Variants in DIAPH1 observed in about 807,000 individuals in gnomAD.
DIAPH1 encodes the protein protein diaphanous homolog 1.
A neutral mutation model predicts 140.7 loss-of-function variants in DIAPH1; 46 were observed. The observed-to-expected ratio is 0.33, with a 90% CI of 0.26 to 0.42. The LOEUF is 0.42. Ranked by LOEUF, DIAPH1 falls within the 10% of genes least tolerant of loss-of-function variation. The pLI is 1.00. For missense variants in DIAPH1, 1,310 were observed against 1,558.7 expected (o/e 0.84, Z 2.69); for synonymous variants, 565 against 551.6 (o/e 1.02, Z -0.34).
At chr5:141,594,740 C>T (rs985526010) in intron 1 of DIAPH1, among the ~76,000 whole-genome samples, 17 of 148,206 alleles carry the variant, frequency 1.1e-4, no homozygotes, top group Non-Finnish European at 2.1e-4. Context: ...AAGACCCAGT[C>T]TCAAAAAAAG....
chr5:141,517,769 G>A (rs1301449071), intron 27 of DIAPH1, among the ~76,000 whole-genome samples: 1 of 152,174 alleles, frequency 6.6e-6, no homozygotes, highest in Non-Finnish European at 1.5e-5. Context: ...TCTCAGCCCA[G>A]GTGGCTAAGA....
chr5:141,517,466 T>C (rs1203665294), intron 27 of DIAPH1, among the ~76,000 whole-genome samples: 1 of 152,002 alleles, frequency 6.6e-6, no homozygotes, highest in East Asian at 1.9e-4. Flanking sequence ...CCTGGGAGGG[T>C]TGTCCCTAGC....
intron 19 of DIAPH1, 56 bp downstream of exon 19, chr5:141,534,279 A>G: frequency 7.2e-7 from 1 of 1,379,780 alleles, no homozygotes; most frequent in Non-Finnish European, 1.0e-6. Flanking sequence ...AGAGAATTAA[A>G]AATTCTTAAA....
intron 26 of DIAPH1, 103 bp downstream of exon 26, chr5:141,525,935 G>T: frequency 1.3e-6 from 2 of 1,578,544 alleles, no homozygotes; most frequent in Non-Finnish European, 1.7e-6. Flanking sequence ...AAAATCATTT[G>T]CCAGGAGGTG....
At chr5:141,535,385 T>C (rs1435805906) in intron 18 of DIAPH1, among the ~76,000 whole-genome samples, 1 of 152,242 alleles carries the variant, frequency 6.6e-6, no homozygotes, top group Non-Finnish European at 1.5e-5. Context: ...TCCCTTCTCA[T>C]GAAACGTTCC....
At position 141,618,932 on chromosome 5, in the gene DIAPH1, C is replaced by A; in HGVS notation, c.-18G>T. 7.0e-7 allele frequency: 1 copy of A among 1,420,632 alleles called. No individual in the cohort carries two copies. Among genetic ancestry groups the A allele is most frequent in the South Asian group, 1.4e-5 (1 of 73,936 alleles). The allele number at this position is 1,420,632 out of a possible 1,614,324, so 88.0% of individuals were successfully genotyped here. On this transcript the variant is annotated 5_prime_UTR_variant, in exon 1 of 28. Transcript: ENST00000389054. ...GGCTCCATGTCCCGGTTCACGCTGGCCGGCGACCCCGCGCCTACGCCGCTC... is the reference window on the plus strand; with the variant it reads ...GGCTCCATGTCCCGGTTCACGCTGGACGGCGACCCCGCGCCTACGCCGCTC...
At position 141,614,848 on chromosome 5, in the gene DIAPH1, A is replaced by G. The variant is rs3805686; in HGVS notation, c.117+3950T>C. Among the ~76,000 whole-genome samples, 6 of 151,158 alleles carry G rather than the reference A, an allele frequency of 4.0e-5. No individual in the cohort carries two copies. The East Asian group carries it at 1.2e-3, about 29-fold the overall frequency. ...AAAAAAGGTGTACAAAGCGCTCTGT[A>G]TATTTTTCAGTTTTCTGCAAACTTT... On this transcript the variant is annotated intron_variant, in intron 1 of 27. Coordinates refer to ENST00000389054, the MANE Select transcript of DIAPH1 (RefSeq NM_005219.5).
At chr5:141,613,454 C>T (rs952028248) in intron 1 of DIAPH1, among the ~76,000 whole-genome samples, 1 of 152,202 alleles carries the variant, frequency 6.6e-6, no homozygotes. Context: ...AAAATTTCTG[C>T]TCCTCTTCCT....
chr5:141,587,305 G>T, intron 2 of DIAPH1, 108 bp from the exon 3 acceptor site: 1 of 1,152,968 alleles, frequency 8.7e-7, no homozygotes, highest in Non-Finnish European at 1.3e-6. Flanking sequence ...GGTTCCTCTG[G>T]TTCACAAGCA....
intron 12 of DIAPH1, among the ~76,000 whole-genome samples, chr5:141,577,111 C>T (rs1251778473): frequency 1.3e-5 from 2 of 152,184 alleles, no homozygotes; most frequent in African/African-American, 4.8e-5. Context: ...AATACTTTCC[C>T]ATCTAAAAAT....
intron 16 of DIAPH1, among the ~76,000 whole-genome samples, chr5:141,572,540 G>A (rs567338264): frequency 2.5e-4 from 38 of 152,306 alleles, no homozygotes; most frequent in African/African-American, 8.9e-4. Context: ...GGTGGCTCAC[G>A]TCTGTAATCC....
intron 8 of DIAPH1, 71 bp downstream of exon 8, chr5:141,580,673 C>G: frequency 6.5e-7 from 1 of 1,531,918 alleles, no homozygotes; most frequent in Non-Finnish European, 9.0e-7. Context: ...CCAACCAACT[C>G]AATTGTCCTC....
chr5:141,532,384 G>T (rs1285172544), intron 19 of DIAPH1, among the ~76,000 whole-genome samples: 1 of 152,098 alleles, frequency 6.6e-6, no homozygotes, highest in Admixed American at 6.5e-5. Flanking sequence ...TTCCCAGGCT[G>T]GTCTTGAACT....
intron 18 of DIAPH1, among the ~76,000 whole-genome samples, chr5:141,556,836 C>A (rs188672554): frequency 6.6e-6 from 1 of 152,258 alleles, no homozygotes; most frequent in East Asian, 1.9e-4. Flanking sequence ...GAATTACAGG[C>A]ATGCGCCACC....
chr5:141,617,199 G>A (rs751106466), intron 1 of DIAPH1, among the ~76,000 whole-genome samples: 1 of 151,672 alleles, frequency 6.6e-6, no homozygotes, highest in Non-Finnish European at 1.5e-5. Context: ...AAAGCTAACG[G>A]GGGGGAGGGG....
chr5:141,594,458 A>G (rs1420532200), intron 1 of DIAPH1, among the ~76,000 whole-genome samples: 1 of 152,126 alleles, frequency 6.6e-6, no homozygotes, highest in East Asian at 1.9e-4. Flanking sequence ...AAGGCTACAT[A>G]TGGCCGGGCG....
At chr5:141,553,903 C>T (rs1283026803) in intron 18 of DIAPH1, among the ~76,000 whole-genome samples, 1 of 151,974 alleles carries the variant, frequency 6.6e-6, no homozygotes, top group East Asian at 1.9e-4. Flanking sequence ...GAAAGAAAAA[C>T]AGAGAAATCA....
At chr5:141,575,263 C>A (rs1020388323) in intron 14 of DIAPH1, 117 bp from the exon 15 acceptor site, 7 of 987,376 alleles carry the variant, frequency 7.1e-6, no homozygotes, top group Admixed American at 1.9e-5. Context: ...GGAATCCCCC[C>A]ACTGCCTCCT....
At chr5:141,588,749 C>CA (rs2099897925) in intron 1 of DIAPH1, among the ~76,000 whole-genome samples, 1 of 152,156 alleles carries the variant, frequency 6.6e-6, no homozygotes. Context: ...ACATGTACTA[C>CA]AACGCAACAC....
Sources: gnomAD v4.1 joint callset for allele counts (sites outside exome capture counted in the v4.1 genomes callset) on GRCh38, gnomAD v4.1.1 for gene constraint, MANE v1.5 for transcripts, NCBI Gene and HGNC (gene_info 2026-07-23, HGNC 2026-07-21) for gene names.